The following FAM227A variants were observed in gnomAD, a reference collection of about 807,000 sequenced individuals.
FAM227A encodes family with sequence similarity 227 member A, also known as protein FAM227A.
FAM227A carries 80 observed loss-of-function variants against 74.7 expected under a neutral mutation model. The observed-to-expected ratio is 1.07, with a 90% CI of 0.89 to 1.29. The LOEUF is 1.29. FAM227A is among the 50% of genes most tolerant of loss of function. FAM227A has a pLI of 0.00. For synonymous variants in FAM227A, 237 were observed against 241.8 expected (o/e 0.98, Z 0.19); for missense variants, 654 against 683.4 (o/e 0.96, Z 0.48).
chr22:38,582,071 A>G lies in FAM227A; in HGVS notation c.*4054T>C. The stretch of plus-strand genomic sequence containing the variant: ...TCGTTTTTTAACAAAGCTTTATCGA[A>G]GTATAATTGACATATGAGAAACTGC... On this transcript the variant is annotated 3_prime_UTR_variant, in exon 17 of 17. Coordinates refer to ENST00000535113, the MANE Select transcript of FAM227A (RefSeq NM_001013647.2). 2.8e-6 allele frequency: 1 copy of G among 356,968 alleles called. No individual in the cohort carries two copies. The highest frequency in any genetic ancestry group is 5.0e-6 in the Non-Finnish European group (1 of 198,086). The allele number at this position is 356,968 out of a possible 1,614,324, so 22.1% of individuals were successfully genotyped here. A position where few individuals can be genotyped will look rare whatever the true frequency, so the allele number is the denominator to read the frequency against.
At position 38,636,557 on chromosome 22, in the gene FAM227A, T is replaced by G; in HGVS notation, c.413A>C (p.Tyr138Ser). Residue 138 changes from tyrosine to serine, a missense_variant, in exon 6 of 17, where the codon TAT (tyrosine) becomes TCT (serine). By Grantham distance (144) the Tyr-to-Ser change is moderately radical. Transcript: ENST00000535113. ...TGGCTTGGAGCTGTTGAAGTTGGAA[T>G]ACTGGTACAGCTCTGCCAGCAGATT... ...DKNLLAELYQ[Y>S]SNFNSSKPNK... 6.4e-7 allele frequency: 1 copy of G among 1,551,720 alleles called. No individual in the cohort carries two copies.
At chr22:38,639,933 C>T (rs895295986) in intron 3 of FAM227A, among the ~76,000 whole-genome samples, 1 of 152,270 alleles carries the variant, frequency 6.6e-6, no homozygotes. Flanking sequence ...TCTCACACTG[C>T]CCCTTCTTCT....
At chr22:38,645,005 C>A (rs1461011743) in intron 3 of FAM227A, among the ~76,000 whole-genome samples, 1 of 151,522 alleles carries the variant, frequency 6.6e-6, no homozygotes, top group African/African-American at 2.4e-5. Context: ...AGGAAAATCA[C>A]TTGAAAGGGA....
At chr22:38,605,436 T>G in intron 12 of FAM227A, 88 bp from the exon 13 acceptor site, 1 of 740,876 alleles carries the variant, frequency 1.3e-6, no homozygotes, top group Non-Finnish European at 2.3e-6. Flanking sequence ...ATTACAGGTG[T>G]GTGCCACCGC....
chr22:38,607,445 G>GT lies in FAM227A; in HGVS notation c.1069dup (p.Thr357AsnfsTer45), dbSNP rs978355211. 12 of 1,551,324 alleles carry GT rather than the reference G, an allele frequency of 7.7e-6. No individual in the cohort carries two copies. Among genetic ancestry groups the GT allele is most frequent in the African/African-American group, 1.4e-5 (1 of 72,994 alleles). ...TTCTGAGTTCTGCTTGGCCGAAGAG[G>GT]TTTTTTCACTGGGTGAATTTGCACT... On this transcript the variant is annotated frameshift_variant, in exon 12 of 17. Coordinates refer to ENST00000535113, the MANE Select transcript of FAM227A (RefSeq NM_001013647.2). LOFTEE classifies it high-confidence loss of function.
Position 38,582,710 on chromosome 22 carries a change from T to C in FAM227A, c.*3415A>G. The C allele has an allele frequency of 9.2e-7, 1 of 1,081,410 alleles. No individual in the cohort carries two copies. The highest frequency in any genetic ancestry group is 1.3e-6 in the Non-Finnish European group (1 of 753,700). The allele number at this position is 1,081,410 out of a possible 1,614,324, so 67.0% of individuals were successfully genotyped here. ...GACAGAAATGCAGTTTGTCCTGGGC[T>C]TAGAAAATAAGGAGACCTTCTTGCT... On this transcript the variant is annotated 3_prime_UTR_variant, in exon 17 of 17. Transcript: ENST00000535113.
chr22:38,599,909 A>G lies in FAM227A; in HGVS notation c.1234T>C (p.Cys412Arg). ...TTTGAAGTCAGCTCAGGGCTTTTGC[A>G]GGCAGCACACGACTAAGGATGAAAG... ...NMFPKKSCAA[C>R]KSPELTSNLF... Residue 412 changes from cysteine (C) to arginine (R), a missense_variant, in exon 14 of 17, where the codon TGC (cysteine) becomes CGC (arginine). By Grantham distance (180) the Cys-to-Arg change is radical. Transcript: ENST00000535113. The G allele has an allele frequency of 6.5e-7, 1 of 1,548,868 alleles. No individual in the cohort carries two copies. The highest frequency in any genetic ancestry group is 2.5e-5 in the East Asian group (1 of 40,720).
chr22:38,613,317 A>AATATATATCAT (rs2091489337), intron 11 of FAM227A, among the ~76,000 whole-genome samples: 3 of 83,312 alleles, frequency 3.6e-5, no homozygotes, highest in Non-Finnish European at 6.3e-5. Context: ...TATAACATAT[A>AATATATATCAT]ATATATATCA....
chr22:38,617,622 C>T (rs908909073), intron 11 of FAM227A, among the ~76,000 whole-genome samples: 1 of 152,152 alleles, frequency 6.6e-6, no homozygotes, highest in African/African-American at 2.4e-5. Flanking sequence ...TGAATTAAGC[C>T]TCCAATGCCA....
chr22:38,646,932 C>T (rs556813646), intron 2 of FAM227A, among the ~76,000 whole-genome samples: 4 of 151,616 alleles, frequency 2.6e-5, no homozygotes, highest in Admixed American at 6.6e-5. Flanking sequence ...GGGCAGATCA[C>T]GATGTTAGGA....
At chr22:38,626,603 C>T (rs2091805675) in intron 8 of FAM227A, among the ~76,000 whole-genome samples, 1 of 151,228 alleles carries the variant, frequency 6.6e-6, no homozygotes, top group Non-Finnish European at 1.5e-5. Flanking sequence ...GTGGCTCACG[C>T]CTGTAATCAC....
intron 1 of FAM227A, among the ~76,000 whole-genome samples, chr22:38,651,917 G>A (rs2092329032): frequency 6.6e-6 from 1 of 152,024 alleles, no homozygotes; most frequent in African/African-American, 2.4e-5. Context: ...GGCTGGGCGT[G>A]GTGGGTCACG....
intron 11 of FAM227A, chr22:38,618,429 C>T (rs1157432845): frequency 2.0e-5 from 3 of 152,186 alleles, no homozygotes; most frequent in Admixed American, 2.0e-4. Context: ...GAAGCCTAAA[C>T]CTCTTTTCCT....
rs1555966996 is a variant in FAM227A at position 38,626,891 on chromosome 22, A to AAAAATAT, written c.727-589_727-588insATATTTT. The stretch of plus-strand genomic sequence containing the variant: ...AAAAAAAAAAAAAAAAAAAAAAAAA[A>AAAAATAT]ATATATATATATATATATATATACA... On this transcript the variant is annotated intron_variant, in intron 8 of 16. Transcript: ENST00000535113. Among the ~76,000 whole-genome samples the AAAAATAT allele has an allele frequency of 9.7e-4, 56 of 57,684 alleles. 1 individual carries two copies. The highest frequency in any genetic ancestry group is 4.7e-3 in the African/African-American group (54 of 11,434). 37.8% of individuals were successfully genotyped at this position (57,684 alleles called of 152,430 possible).
At chr22:38,644,300 AG>A (rs1192792117) in intron 3 of FAM227A, among the ~76,000 whole-genome samples, 1 of 151,038 alleles carries the variant, frequency 6.6e-6, no homozygotes, top group Non-Finnish European at 1.5e-5. Context: ...AGTGGTTCCC[AG>A]GGGTTAGGGA....
chr22:38,642,466 C>T (rs2092137953), intron 3 of FAM227A, among the ~76,000 whole-genome samples: 1 of 152,154 alleles, frequency 6.6e-6, no homozygotes, highest in Non-Finnish European at 1.5e-5. Flanking sequence ...TGGGTTTGGC[C>T]ATGACTTTTT....
intron 16 of FAM227A, among the ~76,000 whole-genome samples, chr22:38,587,441 G>A (rs1304721466): frequency 6.6e-6 from 1 of 152,098 alleles, no homozygotes; most frequent in Non-Finnish European, 1.5e-5. Flanking sequence ...AATAAAGCTT[G>A]TAAGAGAATA....
At chr22:38,596,550 A>C (rs1182090530) in intron 15 of FAM227A, among the ~76,000 whole-genome samples, 1 of 152,166 alleles carries the variant, frequency 6.6e-6, no homozygotes, top group Non-Finnish European at 1.5e-5. Context: ...TGTCTCTAAA[A>C]ATTAAAATAC....
rs2090691162 is a variant in FAM227A, at chr22:38,579,862, CCA to C, written c.*6261_*6262del. On this transcript the variant is annotated 3_prime_UTR_variant, in exon 17 of 17. Transcript: ENST00000535113. ...CAGATATCCATTTGTCTCATAAATG[CCA>C]CATTTTGTTTCAATGGGATCCAAAT... 6.6e-6 allele frequency: 1 copy of C among 151,988 alleles called. No homozygotes were observed. The highest frequency in any genetic ancestry group is 1.5e-5 in the Non-Finnish European group (1 of 68,002). The allele number at this position is 151,988 out of a possible 1,614,324, so 9.4% of individuals were successfully genotyped here. A position where few individuals can be genotyped will look rare whatever the true frequency, so the allele number is the denominator to read the frequency against.
Sources: gnomAD v4.1 joint callset for allele counts (sites outside exome capture counted in the v4.1 genomes callset) on GRCh38, gnomAD v4.1.1 for gene constraint, MANE v1.5 for transcripts, NCBI Gene and HGNC (gene_info 2026-07-23, HGNC 2026-07-21) for gene names.